AUTS2: variants seen among roughly 807,000 people sequenced by gnomAD.
AUTS2 encodes activator of transcription and developmental regulator AUTS2.
Under a neutral mutation model 112.4 loss-of-function variants are expected in AUTS2, and 17 were observed. That is an observed-to-expected ratio of 0.15 (90% CI 0.10 to 0.23). The LOEUF is 0.23. AUTS2 is among the 10% of genes least tolerant of loss of function. The pLI is 1.00. For missense variants in AUTS2, 1,510 were observed against 1,701.6 expected (o/e 0.89, Z 1.98); for synonymous variants, 751 against 702.7 (o/e 1.07, Z -1.09).
At chr7:69,660,001 G>A (rs114805791) in intron 1 of AUTS2, among the ~76,000 whole-genome samples, 1 of 152,234 alleles carries the variant, frequency 6.6e-6, no homozygotes, top group African/African-American at 2.4e-5. Context: ...GACTTCAGAG[G>A]ATAAAAACTA....
At chr7:70,275,678 T>A (rs1043157352) in intron 4 of AUTS2, among the ~76,000 whole-genome samples, 5 of 152,150 alleles carry the variant, frequency 3.3e-5, no homozygotes, top group Non-Finnish European at 7.4e-5. Flanking sequence ...GTGGAGAGAA[T>A]TGAATCATGG....
intron 1 of AUTS2, among the ~76,000 whole-genome samples, chr7:69,857,286 C>A (rs997242218): frequency 6.6e-6 from 1 of 152,036 alleles, no homozygotes; most frequent in African/African-American, 2.4e-5. Flanking sequence ...GGAAATGAGC[C>A]CTGAGAGGTA....
chr7:69,901,985 A>G (rs2129540882), intron 2 of AUTS2, among the ~76,000 whole-genome samples: 1 of 152,340 alleles, frequency 6.6e-6, no homozygotes, highest in South Asian at 2.1e-4. Context: ...AAAGGTCTGT[A>G]AAGGAGTCTG....
intron 5 of AUTS2, among the ~76,000 whole-genome samples, chr7:70,440,213 G>A (rs1471138445): frequency 6.9e-6 from 1 of 144,784 alleles, no homozygotes; most frequent in Non-Finnish European, 1.5e-5. Flanking sequence ...GCAACATAGT[G>A]AGGCCCTGTC....
intron 1 of AUTS2, among the ~76,000 whole-genome samples, chr7:69,868,259 G>A (rs1468398288): frequency 6.6e-6 from 1 of 152,130 alleles, no homozygotes; most frequent in Non-Finnish European, 1.5e-5. Context: ...TCTTTGCTAA[G>A]AAGATGCTCC....
At chr7:70,778,190 A>T (rs78637835) in intron 14 of AUTS2, among the ~76,000 whole-genome samples, 1,688 of 152,306 alleles carry the variant, frequency 0.011, 32 homozygotes, top group African/African-American at 0.039. Flanking sequence ...ATACAGCATC[A>T]GCGCTTGGCT....
chr7:70,329,642 T>C (rs1790654114), intron 4 of AUTS2, among the ~76,000 whole-genome samples: 1 of 150,664 alleles, frequency 6.6e-6, no homozygotes, highest in Non-Finnish European at 1.5e-5. Flanking sequence ...TGTCATTGAA[T>C]TGTAAGCATT....
At chr7:69,789,176 C>G (rs1046780393) in intron 1 of AUTS2, among the ~76,000 whole-genome samples, 3 of 152,134 alleles carry the variant, frequency 2.0e-5, no homozygotes, top group Admixed American at 2.0e-4. Context: ...CAGAGTGCAG[C>G]TAAGCTTTTT....
chr7:70,681,232 C>T (rs950106320), intron 5 of AUTS2, among the ~76,000 whole-genome samples: 3 of 152,170 alleles, frequency 2.0e-5, no homozygotes, highest in African/African-American at 4.8e-5. Context: ...GATGGCTCTG[C>T]GTGGGGCATG....
In AUTS2 at chr7:70,280,210, T is replaced by G. The variant is rs567905311; in HGVS notation, c.660+145639T>G. Among the ~76,000 whole-genome samples the G allele has an allele frequency of 3.9e-5, 6 of 152,150 alleles. No individual in the cohort carries two copies. The East Asian group carries it at 9.7e-4, about 24-fold the overall frequency. Reference sequence around the variant, plus strand: ...TCACCTCATTTGCCCACTCCTCTACTCTCTTCATGAGCCAGAGTGTTCACT... The same window carrying G: ...TCACCTCATTTGCCCACTCCTCTACGCTCTTCATGAGCCAGAGTGTTCACT... On this transcript the variant is annotated intron_variant, in intron 4 of 18. Coordinates refer to ENST00000342771, the MANE Select transcript of AUTS2 (RefSeq NM_015570.4).
chr7:70,178,776 G>A (rs1809141196), intron 4 of AUTS2, among the ~76,000 whole-genome samples: 1 of 152,118 alleles, frequency 6.6e-6, no homozygotes. Context: ...TCCAACCTGG[G>A]CGACAGAGGG....
chr7:70,431,123 C>T (rs1366214963), intron 4 of AUTS2, among the ~76,000 whole-genome samples: 2 of 152,112 alleles, frequency 1.3e-5, no homozygotes, highest in East Asian at 1.9e-4. Flanking sequence ...AGGCGTGAGC[C>T]ACCGCGCCCG....
At chr7:70,245,144 G>GTGTGTGTATATATATATA (rs1233136341) in intron 4 of AUTS2, among the ~76,000 whole-genome samples, 3 of 108,998 alleles carry the variant, frequency 2.8e-5, no homozygotes, top group African/African-American at 1.2e-4. Context: ...GTGTGTGTGT[G>GTGTGTGTATATATATATA]TATATATATA....
intron 5 of AUTS2, among the ~76,000 whole-genome samples, chr7:70,472,405 T>C (rs914435403): frequency 6.6e-6 from 1 of 150,604 alleles, no homozygotes; most frequent in Non-Finnish European, 1.5e-5. Flanking sequence ...ACTTATAATC[T>C]CAGATCATGG....
intron 2 of AUTS2, among the ~76,000 whole-genome samples, chr7:69,961,087 C>T (rs964125741): frequency 1.3e-5 from 2 of 152,046 alleles, no homozygotes; most frequent in East Asian, 1.9e-4. Flanking sequence ...TCCATGTGTT[C>T]GCTAACTCCT....
chr7:70,098,302 G>A (rs1008214021), intron 2 of AUTS2, among the ~76,000 whole-genome samples: 1 of 152,206 alleles, frequency 6.6e-6, no homozygotes, highest in Admixed American at 6.5e-5. Context: ...GTGGCAAGAA[G>A]CCATAAAACT....
intron 2 of AUTS2, among the ~76,000 whole-genome samples, chr7:70,032,228 A>G (rs936154709): frequency 1.3e-5 from 2 of 152,186 alleles, no homozygotes; most frequent in African/African-American, 2.4e-5. Context: ...TAAAGTATAC[A>G]TAGAGCATAT....
chr7:70,134,760 C>G (rs759513509), intron 4 of AUTS2, among the ~76,000 whole-genome samples, 189 bp downstream of exon 4: 19 of 152,120 alleles, frequency 1.2e-4, no homozygotes, highest in Admixed American at 5.2e-4. Flanking sequence ...CCCTAGGGAT[C>G]TTAAGTAAGT....
chr7:70,402,909 C>T (rs778530211), intron 4 of AUTS2, among the ~76,000 whole-genome samples: 1 of 152,230 alleles, frequency 6.6e-6, no homozygotes, highest in African/African-American at 2.4e-5. Flanking sequence ...CCCCTGGATG[C>T]ACGCAAAGAG....
Sources: gnomAD v4.1 joint callset for allele counts (sites outside exome capture counted in the v4.1 genomes callset) on GRCh38, gnomAD v4.1.1 for gene constraint, MANE v1.5 for transcripts, NCBI Gene and HGNC (gene_info 2026-07-23, HGNC 2026-07-21) for gene names.